Variants in GPR37L1 observed in about 807,000 individuals in gnomAD.
The protein encoded by GPR37L1 is G protein-coupled receptor 37 like 1.
In GPR37L1, 18 loss-of-function variants were observed where a neutral mutation model predicts 18.0. The ratio of observed to expected loss-of-function variants is 1.00; its 90% CI spans 0.69 to 1.49. The LOEUF (loss-of-function observed/expected upper bound fraction) is 1.49. Among genes scored for constraint, GPR37L1 ranks in the 40% most tolerant of loss-of-function variants. The probability of loss-of-function intolerance (pLI) is 0.00; values close to 1 mark genes in which losing one functional copy is unlikely to be tolerated. For missense variants in GPR37L1, 558 were observed against 615.1 expected, an observed-to-expected ratio of 0.91 and a Z score of 0.98; for synonymous variants, 256 against 273.9, an observed-to-expected ratio of 0.93 and a Z score of 0.65.
rs773384673 is a variant in GPR37L1, at chr1:202,128,282, G to T, written c.1172G>T (p.Arg391Leu). 2.5e-6 allele frequency: 4 copies of T among 1,613,892 alleles called. No homozygotes were observed. The African/African-American group carries it at 4.0e-5, about 16-fold the overall frequency. ...VVAYLSTELTRQTLDLLGLIN... is the reference protein window; with the variant it reads ...VVAYLSTELTLQTLDLLGLIN... ...GCCTACCTCTCCACCGAGCTGACCC[G>T]CCAGACCCTGGACCTCCTGGGCCTC... Residue 391 changes from arginine (R) to leucine (L), a missense_variant, in exon 2 of 2, where the codon CGC becomes CTC. Physicochemically the swap from Arg to Leu is moderately radical, Grantham distance 102 (BLOSUM62 -2). Transcript: ENST00000367282.
At position 202,123,121 on chromosome 1, in the gene GPR37L1, C is replaced by T. The variant is rs776016622; in HGVS notation, c.158C>T (p.Ala53Val). 1.1e-5 allele frequency: 17 copies of T among 1,613,644 alleles called. No individual in the cohort carries two copies. The South Asian group carries it at 1.9e-4, about 18-fold the overall frequency. Residue 53 changes from alanine to valine, a missense_variant, in exon 1 of 2, where the codon GCC becomes GTC. Physicochemically the swap from Ala to Val is moderately conservative, Grantham distance 64. Coordinates refer to ENST00000367282, the MANE Select transcript of GPR37L1 (RefSeq NM_004767.5). ...RSKRGTEDEE[A>V]KGVQQYVPEE... ...AAGAGGGGCACCGAGGATGAGGAGGCCAAGGGCGTGCAGCAGTATGTGCCT... is the reference window on the plus strand; with the variant it reads ...AAGAGGGGCACCGAGGATGAGGAGGTCAAGGGCGTGCAGCAGTATGTGCCT...
Position 202,123,407 on chromosome 1 carries a change from C to G in GPR37L1, c.444C>G (p.Asn148Lys), listed in dbSNP as rs758210195. Residue 148 changes from asparagine to lysine, a missense_variant, in exon 1 of 2, where the codon AAC (asparagine) becomes AAG (lysine). Physicochemically the swap from Asn to Lys is moderately conservative, Grantham distance 94 (BLOSUM62 0). Coordinates refer to ENST00000367282, the MANE Select transcript of GPR37L1 (RefSeq NM_004767.5). Reference protein sequence around the residue: ...LVVFAVGIVGNLSVMCIVWHS... With the variant: ...LVVFAVGIVGKLSVMCIVWHS... Reference sequence around the variant, plus strand: ...TGTTTGCGGTGGGCATTGTGGGCAACCTGTCGGTCATGTGCATCGTGTGGC... The same window carrying G: ...TGTTTGCGGTGGGCATTGTGGGCAAGCTGTCGGTCATGTGCATCGTGTGGC... 1 of 1,614,000 alleles carries G rather than the reference C, an allele frequency of 6.2e-7. No homozygotes were observed. Among genetic ancestry groups the G allele is most frequent in the Non-Finnish European group, 8.5e-7 (1 of 1,180,020 alleles).
chr1:202,128,471 A>G lies in GPR37L1; in HGVS notation c.1361A>G (p.Lys454Arg), dbSNP rs766104125. The change falls in exon 2 of 2, where the codon AAG becomes AGG. Residue 454 changes from lysine to arginine, a missense_variant. Coordinates refer to ENST00000367282, the MANE Select transcript of GPR37L1 (RefSeq NM_004767.5). ...EASAANGSDN[K>R]LKTEVSSSIY... is the part of the protein sequence containing the mutation. ...TCTGCTGCCAATGGGTCGGACAACA[A>G]GCTCAAGACCGAGGTGTCCTCTTCC... The G allele has an allele frequency of 6.2e-6, 10 of 1,610,316 alleles. No individual in the cohort carries two copies. Among genetic ancestry groups the G allele is most frequent in the Non-Finnish European group, 8.5e-6 (10 of 1,178,420 alleles).
rs763406035 is a variant in GPR37L1, at chr1:202,123,068, C to T, written c.105C>T (p.Ala35=). 10 of 1,613,602 alleles carry T rather than the reference C, an allele frequency of 6.2e-6. No individual in the cohort carries two copies. The highest frequency in any genetic ancestry group is 1.7e-4 in the Middle Eastern group (1 of 5,910). ...CCCTGCACCTGGGCAGGCACAGAGC[C>T]GAGACCCAGGAGCAGCAGAGCCGAT... ...GAPLHLGRHR[A]ETQEQQSRSK... The change falls in exon 1 of 2, where the codon GCC becomes GCT. Residue 35 remains alanine (A), a synonymous_variant. Coordinates refer to ENST00000367282, the MANE Select transcript of GPR37L1 (RefSeq NM_004767.5).
At chr1:202,125,263 G>T (rs1654630199) in intron 1 of GPR37L1, among the ~76,000 whole-genome samples, 1 of 151,688 alleles carries the variant, frequency 6.6e-6, no homozygotes. Context: ...TTAGACACAG[G>T]ACTCTGAAAT....
Position 202,128,035 on chromosome 1 carries a change from C to A in GPR37L1, c.925C>A (p.Arg309Ser). ...YSLVMTYQNARMWWYFGCYFC... is the reference protein window; with the variant it reads ...YSLVMTYQNASMWWYFGCYFC... The stretch of plus-strand genomic sequence containing the variant: ...ACTGGTGATGACCTACCAGAACGCC[C>A]GCATGTGGTGGTACTTTGGCTGCTA... Residue 309 changes from arginine (R) to serine (S), a missense_variant, in exon 2 of 2, where the codon CGC becomes AGC. Physicochemically the swap from Arg to Ser is moderately radical, Grantham distance 110 (BLOSUM62 -1). Coordinates refer to ENST00000367282, the MANE Select transcript of GPR37L1 (RefSeq NM_004767.5). 6.2e-7 allele frequency: 1 copy of A among 1,614,152 alleles called. No individual in the cohort carries two copies.
intron 1 of GPR37L1, among the ~76,000 whole-genome samples, chr1:202,126,294 G>C (rs1428500057): frequency 6.6e-6 from 1 of 152,038 alleles, no homozygotes; most frequent in African/African-American, 2.4e-5. Context: ...TATAATCCCA[G>C]CTACTCGGGA....
Position 202,123,187 on chromosome 1 carries a change from G to A in GPR37L1, c.224G>A (p.Gly75Asp), listed in dbSNP as rs1449134349. The A allele has an allele frequency of 1.2e-6, 2 of 1,613,560 alleles. No homozygotes were observed. Among genetic ancestry groups the A allele is most frequent in the African/African-American group, 2.7e-5 (2 of 75,050 alleles). The change falls in exon 1 of 2, where the codon GGC (glycine) becomes GAC (aspartate). Residue 75 changes from glycine to aspartate, a missense_variant. By Grantham distance (94) the Gly-to-Asp change is moderately conservative (BLOSUM62 -1). Transcript: ENST00000367282. ...TACCCCCGGCCCATTCACCCTGCTGGCCTGCAGCCAACCAAGCCCTTGGTG... is the reference window on the plus strand; with the variant it reads ...TACCCCCGGCCCATTCACCCTGCTGACCTGCAGCCAACCAAGCCCTTGGTG... ...AEYPRPIHPA[G>D]LQPTKPLVAT...
intron 1 of GPR37L1, among the ~76,000 whole-genome samples, chr1:202,126,215 C>A (rs973250488): frequency 7.9e-5 from 12 of 152,130 alleles, no homozygotes; most frequent in African/African-American, 2.9e-4. Flanking sequence ...CGAGACCATC[C>A]TGGCCAACAT....
chr1:202,127,611 C>G (rs1053450681), intron 1 of GPR37L1, 130 bp from the exon 2 acceptor site: 2 of 678,670 alleles, frequency 2.9e-6, no homozygotes, highest in Non-Finnish European at 5.0e-6. Context: ...TCACCGCACC[C>G]GGCCCATTAT....
At chr1:202,124,963 C>T (rs796347242) in intron 1 of GPR37L1, among the ~76,000 whole-genome samples, 2 of 152,044 alleles carry the variant, frequency 1.3e-5, no homozygotes, top group African/African-American at 2.4e-5. Context: ...GTCAGGAGTT[C>T]GAGACCAGCC....
In GPR37L1 at chr1:202,132,996, C is replaced by CT. The variant is rs1208135839; in HGVS notation, c.*4441dup. ...GGTTCTGGTTCTGGCTCAACCTTGG[C>CT]TGCTGGTGAGATCCAGGGCCTGGGA... On this transcript the variant is annotated 3_prime_UTR_variant, in exon 2 of 2. Transcript: ENST00000367282. The CT allele has an allele frequency of 1.3e-5, 2 of 152,898 alleles. No individual in the cohort carries two copies. The highest frequency in any genetic ancestry group is 3.1e-3 in the Middle Eastern group (1 of 320). 9.5% of individuals were successfully genotyped at this position (152,898 alleles called of 1,614,324 possible).
rs1173477831 is a variant in GPR37L1, at chr1:202,123,306, C to T, written c.343C>T (p.Gln115Ter). The T allele has an allele frequency of 6.2e-7, 1 of 1,614,200 alleles. No homozygotes were observed. The highest frequency in any genetic ancestry group is 1.1e-5 in the South Asian group (1 of 91,086). ...GACAGGAGCACCAGGGCAGAGGCTA[C>T]AGATCCAGAACCCCCTGTATCCGGT... ...NLTGAPGQRL[Q>*]IQNPLYPVTE... Residue 115 changes from glutamine to a stop codon, truncating the protein, a stop_gained, in exon 1 of 2, where the codon CAG becomes TAG. Coordinates refer to ENST00000367282, the MANE Select transcript of GPR37L1 (RefSeq NM_004767.5). LOFTEE classifies it high-confidence loss of function.
Position 202,133,476 on chromosome 1 carries a change from A to G in GPR37L1, c.*4920A>G, listed in dbSNP as rs1654918618. The stretch of plus-strand genomic sequence containing the variant: ...GGAAGCAAAAAAATGTACAGTTACA[A>G]GAATCATTTTCCAAACAGAGGTTAA... On this transcript the variant is annotated 3_prime_UTR_variant, in exon 2 of 2. Coordinates refer to ENST00000367282, the MANE Select transcript of GPR37L1 (RefSeq NM_004767.5). 1 of 152,252 alleles carries G rather than the reference A, an allele frequency of 6.6e-6. No individual in the cohort carries two copies. Among genetic ancestry groups the G allele is most frequent in the Non-Finnish European group, 1.5e-5 (1 of 68,048 alleles). 9.4% of individuals were successfully genotyped at this position (152,252 alleles called of 1,614,324 possible). A position where few individuals can be genotyped will look rare whatever the true frequency, so the allele number is the denominator to read the frequency against.
chr1:202,123,788 G>A (rs1012691732), intron 1 of GPR37L1, among the ~76,000 whole-genome samples, 195 bp downstream of exon 1: 1 of 152,142 alleles, frequency 6.6e-6, no homozygotes, highest in African/African-American at 2.4e-5. Flanking sequence ...AAGAGAAGTA[G>A]GCAGGCCAGG....
chr1:202,128,579 G>GT lies in GPR37L1; in HGVS notation c.*23_*24insT. ...TGAGGCCCCAGTAGGGGTGGGGAGG[G>GT]AGGGAGAGGCCGCCACCCCCGCCGG... On this transcript the variant is annotated 3_prime_UTR_variant, in exon 2 of 2. Transcript: ENST00000367282. 3 of 1,196,752 alleles carry GT rather than the reference G, an allele frequency of 2.5e-6. No individual in the cohort carries two copies. Among genetic ancestry groups the GT allele is most frequent in the Non-Finnish European group, 3.6e-6 (3 of 844,510 alleles). 74.1% of individuals were successfully genotyped at this position (1,196,752 alleles called of 1,614,324 possible). A position where few individuals can be genotyped will look rare whatever the true frequency, so the allele number is the denominator to read the frequency against.
In GPR37L1 at chr1:202,128,243, G is replaced by A; in HGVS notation, c.1133G>A (p.Cys378Tyr). The A allele has an allele frequency of 6.2e-7, 1 of 1,613,996 alleles. No homozygotes were observed. ...YAFCTLPENV[C>Y]NIVVAYLSTE... ...TTCTGCACCCTCCCAGAGAACGTCT[G>A]CAACATCGTGGTGGCCTACCTCTCC... The change falls in exon 2 of 2, where the codon TGC becomes TAC. Residue 378 changes from cysteine to tyrosine, a missense_variant. Coordinates refer to ENST00000367282, the MANE Select transcript of GPR37L1 (RefSeq NM_004767.5).
Position 202,127,748 on chromosome 1 carries a change from C to G in GPR37L1, c.638C>G (p.Ser213Cys). The G allele has an allele frequency of 6.4e-7, 1 of 1,570,660 alleles. No homozygotes were observed. The highest frequency in any genetic ancestry group is 1.2e-5 in the South Asian group (1 of 83,484). ...CTCACATCCTGCCCACAGGTCTCCT[C>G]TCTGGGAGTCACGACTTTCAGCCTC... is the stretch of plus-strand genomic sequence containing the variant. Reference protein sequence around the residue: ...CRAVPFMEVSSLGVTTFSLCA... With the variant: ...CRAVPFMEVSCLGVTTFSLCA... Residue 213 changes from serine (S) to cysteine (C), a missense_variant, in exon 2 of 2, where the codon TCT becomes TGT. Transcript: ENST00000367282.
chr1:202,126,236 C>T (rs1011557733), intron 1 of GPR37L1, among the ~76,000 whole-genome samples: 2 of 152,010 alleles, frequency 1.3e-5, no homozygotes, highest in Non-Finnish European at 2.9e-5. Context: ...GGTGAAACCC[C>T]ATCTCTACTA....
Sources: allele counts gnomAD v4.1 joint callset (sites outside exome capture counted in the v4.1 genomes callset), GRCh38; gene constraint gnomAD v4.1.1; transcripts MANE v1.5; gene names NCBI Gene and HGNC (gene_info 2026-07-23, HGNC 2026-07-21).